Variants in CLCN4 observed in about 807,000 individuals in gnomAD.
The protein encoded by CLCN4 is Cl-/H+ antiporter 4.
In CLCN4, 1 loss-of-function variant was observed where a neutral mutation model predicts 41.7. The observed-to-expected ratio is 0.02, with a 90% CI of 0.01 to 0.11. The LOEUF (loss-of-function observed/expected upper bound fraction) is 0.11, where lower values mean the gene tolerates loss of function less well. Among genes scored for constraint, CLCN4 ranks in the 10% least tolerant of loss-of-function variants. CLCN4 has a pLI of 1.00. For synonymous variants in CLCN4, 277 were observed against 285.8 expected, an observed-to-expected ratio of 0.97 and a Z score of 0.31; for missense variants, 287 against 661.0, an observed-to-expected ratio of 0.43 and a Z score of 6.20.
intron 2 of CLCN4, among the ~76,000 whole-genome samples, chrX:10,175,308 C>T (rs996159442): frequency 2.7e-5 from 3 of 111,210 alleles, no homozygotes; most frequent in Admixed American, 9.6e-5. Flanking sequence ...GTAGGAGTTA[C>T]AGGTTGGAGG....
At position 10,199,201 on chromosome X, in the gene CLCN4, G is replaced by A. The variant is rs552287117; in HGVS notation, c.555+1140G>A. ...CCAGTTCTGCTATAATGCAACATAC[G>A]CATTCCTAAAAATCACCATGCCATG... is the stretch of plus-strand genomic sequence containing the variant. On this transcript the variant is annotated intron_variant, in intron 6 of 12. Coordinates refer to ENST00000380833, the MANE Select transcript of CLCN4 (RefSeq NM_001830.4). Among the ~76,000 whole-genome samples the A allele has an allele frequency of 4.5e-5, 5 of 112,174 alleles. No individual in the cohort carries two copies. In the South Asian group the frequency reaches 1.1e-3, roughly 24 times the overall value.
At chrX:10,171,341 T>A (rs963902660) in intron 2 of CLCN4, among the ~76,000 whole-genome samples, 1 of 112,342 alleles carries the variant, frequency 8.9e-6, no homozygotes, top group African/African-American at 3.2e-5. Flanking sequence ...TAAAGATCAC[T>A]CACATGGGTT....
In CLCN4 at chrX:10,212,346, C is replaced by T. The variant is rs928275767; in HGVS notation, c.1390-121C>T. The T allele has an allele frequency of 7.6e-6, 5 of 661,099 alleles. No homozygotes were observed. In the African/African-American group the frequency reaches 8.9e-5, roughly 12 times the overall value. 54.5% of individuals were successfully genotyped at this position (661,099 alleles called of 1,213,427 possible). A position where few individuals can be genotyped will look rare whatever the true frequency, so the allele number is the denominator to read the frequency against. On this transcript the variant is annotated intron_variant, in intron 9 of 12. Coordinates refer to ENST00000380833, the MANE Select transcript of CLCN4 (RefSeq NM_001830.4). ...CCAGCTGACCTATTTTGCAGAGTTG[C>T]ACCTCCTCTGAAGACTGAAGCTAAA...
intron 2 of CLCN4, among the ~76,000 whole-genome samples, chrX:10,177,626 G>A (rs768087602): frequency 1.8e-5 from 2 of 111,621 alleles, no homozygotes; most frequent in South Asian, 7.5e-4. Flanking sequence ...TTGTGAAAAT[G>A]TGTGGAGCTG....
intron 2 of CLCN4, among the ~76,000 whole-genome samples, chrX:10,171,914 C>T (rs1021883802): frequency 1.8e-5 from 2 of 111,734 alleles, no homozygotes; most frequent in Non-Finnish European, 3.8e-5. Flanking sequence ...CACATAGGCA[C>T]CCTCTGCCTA....
chrX:10,190,098 A>T (rs1008182462), intron 4 of CLCN4, among the ~76,000 whole-genome samples: 1 of 111,394 alleles, frequency 9.0e-6, no homozygotes, highest in Non-Finnish European at 1.9e-5. Flanking sequence ...GGGGAAAGAG[A>T]TGTTGATCAG....
chrX:10,222,493 C>A (rs767235934), intron 12 of CLCN4, among the ~76,000 whole-genome samples: 1 of 111,418 alleles, frequency 9.0e-6, no homozygotes, highest in South Asian at 3.8e-4. Context: ...TTTAACACAG[C>A]AGTTCTCAAC....
chrX:10,209,495 G>A (rs1924490764), intron 9 of CLCN4, among the ~76,000 whole-genome samples: 1 of 109,075 alleles, frequency 9.2e-6, no homozygotes, highest in African/African-American at 3.4e-5. Context: ...CAAGTAGCTG[G>A]GATCATAGGC....
Position 10,212,495 on chromosome X carries a change from T to C in CLCN4, c.1418T>C (p.Met473Thr). 1.7e-6 allele frequency: 2 copies of C among 1,211,947 alleles called. No homozygotes were observed. The highest frequency in any genetic ancestry group is 2.2e-6 in the Non-Finnish European group (2 of 895,463). The change falls in exon 10 of 13, where the codon ATG (methionine) becomes ACG (threonine). Residue 473 changes from methionine (M) to threonine (T), a missense_variant. By Grantham distance (81) the Met-to-Thr change is moderately conservative. Transcript: ENST00000380833. ...KIPSGLFIPSMAVGAIAGRMV... is the reference protein window; with the variant it reads ...KIPSGLFIPSTAVGAIAGRMV... ...CCGTCGGGCCTCTTCATCCCCAGCA[T>C]GGCTGTGGGCGCGATAGCGGGCAGG...
chrX:10,191,014 G>A (rs1272475083), intron 4 of CLCN4, among the ~76,000 whole-genome samples: 3 of 112,193 alleles, frequency 2.7e-5, no homozygotes, highest in South Asian at 3.6e-4. Flanking sequence ...ATGTATGTAT[G>A]TAAAGCTTTA....
intron 6 of CLCN4, among the ~76,000 whole-genome samples, chrX:10,198,352 CA>C (rs1924151308): frequency 8.9e-6 from 1 of 112,201 alleles, no homozygotes; most frequent in Non-Finnish European, 1.9e-5. Flanking sequence ...TATTGCTTCT[CA>C]GATGATAAAA....
chrX:10,194,912 C>G lies in CLCN4; in HGVS notation c.246C>G (p.Gly82=), dbSNP rs1356894213. The G allele has an allele frequency of 8.3e-7, 1 of 1,208,336 alleles. No homozygotes were observed. The highest frequency in any genetic ancestry group is 1.1e-6 in the Non-Finnish European group (1 of 894,240). ...VVMLLIGLLA[G]TLAGVIDLAV... is the part of the protein sequence containing the mutation. ...AGTGGCTCGTGTTACTTCTTCCAGG[C>G]ACCTTGGCTGGGGTCATCGATCTCG... Residue 82 remains glycine (G), a splice_region_variant and synonymous_variant, in exon 5 of 13, where the codon GGC becomes GGG. Transcript: ENST00000380833.
At chrX:10,199,702 T>C (rs1924187506) in intron 6 of CLCN4, among the ~76,000 whole-genome samples, 2 of 112,448 alleles carry the variant, frequency 1.8e-5, no homozygotes, top group Admixed American at 1.9e-4. Context: ...CTAACATGAG[T>C]GGCATTGGAA....
chrX:10,229,156 G>A lies in CLCN4; in HGVS notation c.2193-4338G>A, dbSNP rs751569960. ...GCCCAGCTTGCATTTTGCTGCTACCGCATGGGAGGGGGCCTCACTGGGGAT... is the reference window on the plus strand; with the variant it reads ...GCCCAGCTTGCATTTTGCTGCTACCACATGGGAGGGGGCCTCACTGGGGAT... On this transcript the variant is annotated intron_variant, in intron 12 of 12. Transcript: ENST00000380833. Among the ~76,000 whole-genome samples the A allele has an allele frequency of 8.1e-5, 9 of 111,131 alleles. No homozygotes were observed. In the South Asian group the frequency reaches 2.6e-3, roughly 33 times the overall value.
At chrX:10,228,637 A>G (rs1356194151) in intron 12 of CLCN4, among the ~76,000 whole-genome samples, 1 of 111,549 alleles carries the variant, frequency 9.0e-6, no homozygotes, top group East Asian at 2.8e-4. Context: ...TGTATTATAG[A>G]TTCACCCACA....
At chrX:10,224,662 C>T (rs1924947024) in intron 12 of CLCN4, among the ~76,000 whole-genome samples, 1 of 111,327 alleles carries the variant, frequency 9.0e-6, no homozygotes, top group Non-Finnish European at 1.9e-5. Context: ...AAACGTGTGC[C>T]ATGGTGGTTT....
intron 2 of CLCN4, among the ~76,000 whole-genome samples, chrX:10,179,537 ATTC>A (rs911262833): frequency 9.0e-6 from 1 of 111,021 alleles, no homozygotes; most frequent in African/African-American, 3.3e-5. Context: ...GGCCTCACTG[ATTC>A]TTGGTAAGTG....
chrX:10,167,115 GA>G (rs1923269384), intron 2 of CLCN4, among the ~76,000 whole-genome samples: 1 of 112,410 alleles, frequency 8.9e-6, no homozygotes, highest in African/African-American at 3.2e-5. Flanking sequence ...GCAGAATTTT[GA>G]AACAGGCACA....
rs923259027 is a variant in CLCN4 at position 10,213,677 on chromosome X, G to A, written c.1577-4G>A. On this transcript the variant is annotated splice_region_variant and splice_polypyrimidine_tract_variant and intron_variant, in intron 10 of 12. Transcript: ENST00000380833. The stretch of plus-strand genomic sequence containing the variant: ...TGGAATCTTACTCCTCCCCTCTGTT[G>A]CAGGTGGAGTTACCAGGATGACGGT... The A allele has an allele frequency of 8.3e-7, 1 of 1,199,810 alleles. No homozygotes were observed. The highest frequency in any genetic ancestry group is 3.0e-5 in the East Asian group (1 of 33,704).
Sources: allele counts gnomAD v4.1 joint callset (sites outside exome capture counted in the v4.1 genomes callset), GRCh38; gene constraint gnomAD v4.1.1; transcripts MANE v1.5; gene names NCBI Gene and HGNC (gene_info 2026-07-23, HGNC 2026-07-21).